The following LYST variants were observed in gnomAD, a reference collection of about 807,000 sequenced individuals.
LYST encodes the protein lysosomal trafficking regulator, also known as lysosomal-trafficking regulator.
Under a neutral mutation model 413.6 loss-of-function variants are expected in LYST, and 192 were observed. The ratio of observed to expected loss-of-function variants is 0.46; its 90% CI spans 0.41 to 0.52. LYST has a LOEUF of 0.52. LYST is among the 20% of genes least tolerant of loss of function. The pLI, the probability that LYST is intolerant of heterozygous loss-of-function variation, is 0.00. For synonymous variants in LYST, 1,525 were observed against 1,567.3 expected, an observed-to-expected ratio of 0.97 and a Z score of 0.64; for missense variants, 3,815 against 4,499.9, an observed-to-expected ratio of 0.85 and a Z score of 4.35.
intron 43 of LYST, among the ~76,000 whole-genome samples, 158 bp downstream of exon 43, chr1:235,711,899 T>C (rs542158520): frequency 1.3e-5 from 2 of 152,180 alleles, no homozygotes; most frequent in South Asian, 4.1e-4. Flanking sequence ...TCCTCAAGCT[T>C]ATTTGAAAAT....
intron 14 of LYST, chr1:235,786,924 A>T: frequency 4.1e-6 from 1 of 245,614 alleles, no homozygotes; most frequent in South Asian, 4.6e-5. Context: ...GGGGAGGGAT[A>T]GCATAGGAGA....
At chr1:235,847,463 T>C (rs1678013393) in intron 1 of LYST, among the ~76,000 whole-genome samples, 2 of 151,884 alleles carry the variant, frequency 1.3e-5, no homozygotes, top group South Asian at 2.1e-4. Flanking sequence ...AGAACAAAAA[T>C]GCAAGTTAAA....
At chr1:235,698,397 C>T (rs1661266909) in intron 45 of LYST, among the ~76,000 whole-genome samples, 1 of 152,066 alleles carries the variant, frequency 6.6e-6, no homozygotes, top group Admixed American at 6.6e-5. Flanking sequence ...ATTTAGGGGA[C>T]ATGTTAAATG....
intron 1 of LYST, chr1:235,883,183 C>T (rs1198041581): frequency 6.6e-6 from 1 of 152,222 alleles, no homozygotes; most frequent in East Asian, 1.9e-4. Flanking sequence ...ACACTTTAAC[C>T]TACCTGAACG....
intron 50 of LYST, among the ~76,000 whole-genome samples, chr1:235,667,066 A>G (rs548605945): frequency 2.0e-5 from 3 of 152,256 alleles, no homozygotes; most frequent in African/African-American, 7.2e-5. Flanking sequence ...CCAAATAACT[A>G]CTCATCTGCC....
Position 235,734,459 on chromosome 1 carries a change from A to G in LYST, c.8535+24T>C, listed in dbSNP as rs755428649. The G allele has an allele frequency of 4.4e-6, 7 of 1,595,348 alleles. 1 individual carries two copies. The highest frequency in any genetic ancestry group is 2.2e-5 in the South Asian group (2 of 90,658). ...TATCTATGATGGAATCTCCTAAGAAAGTACTATGGTTTCATTGACTCACCT... is the reference window on the plus strand; with the variant it reads ...TATCTATGATGGAATCTCCTAAGAAGGTACTATGGTTTCATTGACTCACCT... On this transcript the variant is annotated intron_variant, in intron 32 of 52. Transcript: ENST00000389793.
At chr1:235,733,730 T>G (rs773988887) in intron 33 of LYST, 39 bp from the exon 34 acceptor site, 8 of 1,556,376 alleles carry the variant, frequency 5.1e-6, no homozygotes, top group African/African-American at 2.7e-5. Context: ...TAAGCATACA[T>G]GGAACGTATT....
chr1:235,744,218 TA>T (rs1665690324), intron 29 of LYST, 61 bp from the exon 30 acceptor site: 2 of 877,928 alleles, frequency 2.3e-6, no homozygotes, highest in South Asian at 2.7e-5. Flanking sequence ...CCATTATAAA[TA>T]GTAATAATAC....
At chr1:235,869,811 CT>C (rs1416231339), upstream of LYST, among the ~76,000 whole-genome samples, 1 of 149,548 alleles carries the variant, frequency 6.7e-6, no homozygotes, top group Non-Finnish European at 1.5e-5. Flanking sequence ...CATCTGGCTC[CT>C]CAAAACTTCG....
chr1:235,710,450 C>T (rs1662318922), intron 43 of LYST, among the ~76,000 whole-genome samples: 2 of 152,062 alleles, frequency 1.3e-5, no homozygotes, highest in African/African-American at 4.8e-5. Context: ...TGCATAAGGG[C>T]ATTTGTACAA....
chr1:235,677,042 G>A (rs751892711), intron 50 of LYST, 49 bp downstream of exon 50: 32 of 1,345,576 alleles, frequency 2.4e-5, no homozygotes, highest in South Asian at 2.1e-4. Flanking sequence ...GGCCGAATGC[G>A]CTGTTAGAGC....
intron 43 of LYST, among the ~76,000 whole-genome samples, chr1:235,709,845 T>TA (rs1572045018): frequency 1.3e-5 from 2 of 149,924 alleles, no homozygotes; most frequent in East Asian, 3.8e-4. Context: ...TTTATAAGTC[T>TA]ATGGGTCTGT....
chr1:235,815,131 C>T (rs1293243444), intron 3 of LYST, among the ~76,000 whole-genome samples: 1 of 152,170 alleles, frequency 6.6e-6, no homozygotes, highest in African/African-American at 2.4e-5. Flanking sequence ...CCAGCAAACA[C>T]CCTGCTGAAG....
intron 50 of LYST, 63 bp downstream of exon 50, chr1:235,677,028 C>T (rs1659433323): frequency 9.4e-6 from 11 of 1,168,538 alleles, no homozygotes; most frequent in Middle Eastern, 3.8e-4. Context: ...TAGGAGTAAC[C>T]ACTGGCCGAA....
chr1:235,710,786 T>C (rs1356158067), intron 43 of LYST, among the ~76,000 whole-genome samples: 1 of 152,216 alleles, frequency 6.6e-6, no homozygotes, highest in Admixed American at 6.5e-5. Context: ...GAAAAGGCCA[T>C]GCAGCCTCTG....
chr1:235,845,642 A>G (rs1677745770), intron 1 of LYST, among the ~76,000 whole-genome samples: 2 of 151,814 alleles, frequency 1.3e-5, no homozygotes, highest in Non-Finnish European at 2.9e-5. Context: ...CCCGGCAGTT[A>G]GGGGGGACAC....
At chr1:235,878,477 G>A (rs576759032) in intron 1 of LYST, among the ~76,000 whole-genome samples, 1 of 152,154 alleles carries the variant, frequency 6.6e-6, no homozygotes, top group African/African-American at 2.4e-5. Flanking sequence ...GCAACCTGAA[G>A]TAAAAATAAT....
rs781246714 is a variant in LYST, at chr1:235,720,805, T to C, written c.9416A>G (p.Gln3139Arg). The change falls in exon 40 of 53, where the codon CAA (glutamine) becomes CGA (arginine). Residue 3139 changes from glutamine (Q) to arginine (R), a missense_variant. Gln to Arg is a conservative substitution (Grantham distance 43). Transcript: ENST00000389793. The stretch of plus-strand genomic sequence containing the variant: ...AGTCAAATATTCAAAATTAGTAATT[T>C]GCCCAGTATACCATAAATTTGTCAG... ...TALTNLWYTG[Q>R]ITNFEYLTHL... 1.2e-6 allele frequency: 2 copies of C among 1,614,022 alleles called. No individual in the cohort carries two copies. The highest frequency in any genetic ancestry group is 2.7e-5 in the African/African-American group (2 of 74,934).
At chr1:235,869,410 T>TG (rs2103223220), upstream of LYST, among the ~76,000 whole-genome samples, 1 of 152,220 alleles carries the variant, frequency 6.6e-6, no homozygotes, top group East Asian at 1.9e-4. Context: ...AGGCGGAGCT[T>TG]GCAGTGAGCT....
Sources: gnomAD v4.1 joint callset for allele counts (sites outside exome capture counted in the v4.1 genomes callset) on GRCh38, gnomAD v4.1.1 for gene constraint, MANE v1.5 for transcripts, NCBI Gene and HGNC (gene_info 2026-07-23, HGNC 2026-07-21) for gene names.